The following ZNF569 variants were observed in gnomAD, a reference collection of about 807,000 sequenced individuals.
ZNF569 encodes the protein DNA-binding protein.
A neutral mutation model predicts 56.3 loss-of-function variants in ZNF569; 38 were observed. The observed-to-expected ratio is 0.68, with a 90% CI of 0.52 to 0.88. The LOEUF is 0.88. Among genes scored for constraint, ZNF569 ranks in the 40% least tolerant of loss-of-function variants. The probability of loss-of-function intolerance (pLI) is 0.00; values close to 1 mark genes in which losing one functional copy is unlikely to be tolerated. For synonymous variants in ZNF569, 241 were observed against 262.9 expected (o/e 0.92, Z 0.81); for missense variants, 666 against 809.2 (o/e 0.82, Z 2.15).
Position 37,454,731 on chromosome 19 carries a change from C to T in ZNF569, c.-43-9767G>A, listed in dbSNP as rs2041646612. 6.0e-6 allele frequency: 4 copies of T among 661,874 alleles called. No individual in the cohort carries two copies. In the Admixed American group the frequency reaches 8.7e-5, roughly 14 times the overall value. The allele number at this position is 661,874 out of a possible 1,614,324, so 41.0% of individuals were successfully genotyped here. Reference sequence around the variant, plus strand: ...AAAGCCTACAAGAGACTGCAACCCCCACCTCCCTAATTTTGCAAGTCCCCC... The same window carrying T: ...AAAGCCTACAAGAGACTGCAACCCCTACCTCCCTAATTTTGCAAGTCCCCC... On this transcript the variant is annotated intron_variant, in intron 2 of 5. Transcript: ENST00000316950.
Position 37,433,390 on chromosome 19 carries a change from T to C in ZNF569, c.16-7012A>G, listed in dbSNP as rs118191643. On this transcript the variant is annotated intron_variant, in intron 3 of 5. Transcript: ENST00000316950. ...TTCAAATGGGCAAATCTAACACTTATTGGCCTTAAAGAGGAGGTAGAGAGA... is the reference window on the plus strand; with the variant it reads ...TTCAAATGGGCAAATCTAACACTTACTGGCCTTAAAGAGGAGGTAGAGAGA... Among the ~76,000 whole-genome samples, 1,050 of 152,290 alleles carry C rather than the reference T, an allele frequency of 6.9e-3. 25 individuals carry two copies. Among genetic ancestry groups the C allele is most frequent in the East Asian group, 0.053 (273 of 5,172 alleles).
intron 5 of ZNF569, among the ~76,000 whole-genome samples, chr19:37,423,493 T>C (rs2041071539): frequency 6.6e-6 from 1 of 152,166 alleles, no homozygotes; most frequent in Non-Finnish European, 1.5e-5. Context: ...TATTGAGAAA[T>C]ATCTAAACAT....
chr19:37,454,924 A>C (rs1411389239), intron 2 of ZNF569: 2 of 699,714 alleles, frequency 2.9e-6, no homozygotes, highest in African/African-American at 3.5e-5. Context: ...CCCCAGATTT[A>C]AGATTACTTG....
At chr19:37,468,331 C>T (rs1362746717), upstream of ZNF569, among the ~76,000 whole-genome samples, 1 of 152,154 alleles carries the variant, frequency 6.6e-6, no homozygotes, top group Non-Finnish European at 1.5e-5. Context: ...TCAAGCGATC[C>T]TCCCGCCTGG....
chr19:37,422,307 G>C (rs1356774128), intron 5 of ZNF569, among the ~76,000 whole-genome samples: 5 of 152,138 alleles, frequency 3.3e-5, no homozygotes, highest in Non-Finnish European at 4.4e-5. Context: ...AAAAGGGAGA[G>C]AGACGGGAAT....
chr19:37,416,266 CAAAA>C (rs945755043), intron 5 of ZNF569, among the ~76,000 whole-genome samples: 26 of 111,704 alleles, frequency 2.3e-4, no homozygotes, highest in Middle Eastern at 4.4e-3. Flanking sequence ...AACAAAAAAA[CAAAA>C]AAAAAAAACA....
In ZNF569 at chr19:37,411,415, T is replaced by A. The variant is rs1568708322; in HGVS notation, c.*1182A>T. 6.6e-6 allele frequency: 1 copy of A among 152,192 alleles called. No individual in the cohort carries two copies. The highest frequency in any genetic ancestry group is 2.4e-5 in the African/African-American group (1 of 41,468). The allele number at this position is 152,192 out of a possible 1,614,324, so 9.4% of individuals were successfully genotyped here. ...GATTTTGTTTCTAAATTCTGTATTT[T>A]ATCACAGAAATGATCACACTTATTC... On this transcript the variant is annotated 3_prime_UTR_variant, in exon 6 of 6. Transcript: ENST00000316950.
At chr19:37,433,795 C>T (rs1407298745) in intron 3 of ZNF569, among the ~76,000 whole-genome samples, 11 of 152,086 alleles carry the variant, frequency 7.2e-5, no homozygotes, top group Admixed American at 7.2e-4. Flanking sequence ...AAGGCTTTCC[C>T]AGACAAACAA....
At chr19:37,451,186 G>A (rs2041585540) in intron 2 of ZNF569, among the ~76,000 whole-genome samples, 1 of 151,972 alleles carries the variant, frequency 6.6e-6, no homozygotes. Context: ...GATCACCTGA[G>A]GTCAGGAGTT....
chr19:37,453,243 C>T (rs1310311446), intron 2 of ZNF569, among the ~76,000 whole-genome samples: 2 of 152,124 alleles, frequency 1.3e-5, no homozygotes, highest in African/African-American at 2.4e-5. Flanking sequence ...GGCAGTATCT[C>T]CAGCAACAGG....
upstream of ZNF569, chr19:37,468,906 T>C (rs571188125): frequency 2.0e-3 from 684 of 342,336 alleles, 4 homozygotes; most frequent in Non-Finnish European, 2.2e-3. Flanking sequence ...TTTTCGGGTA[T>C]CCAGCACAAT....
In ZNF569 at chr19:37,413,083, ATTACAATCATAAGGTTTCT is replaced by A; in HGVS notation, c.1556_1574del (p.Glu519ValfsTer17). The A allele has an allele frequency of 1.9e-6, 3 of 1,613,902 alleles. No homozygotes were observed. Among genetic ancestry groups the A allele is most frequent in the Non-Finnish European group, 2.5e-6 (3 of 1,179,888 alleles). ...TTTGAGAGAAGGCTTTACCACATTC[ATTACAATCATAAGGTTTCT>A]CTCCAGTATGAACTTTTTGATGTGT... On this transcript the variant is annotated frameshift_variant, in exon 6 of 6. Transcript: ENST00000316950. LOFTEE classifies it high-confidence loss of function.
chr19:37,462,673 A>T (rs1406938305), intron 2 of ZNF569, among the ~76,000 whole-genome samples: 1 of 152,144 alleles, frequency 6.6e-6, no homozygotes, highest in Non-Finnish European at 1.5e-5. Context: ...CAACGTTTCA[A>T]GCTAGTCCCC....
rs528312910 is a variant in ZNF569 at position 37,433,536 on chromosome 19, C to G, written c.16-7158G>C. ...CCAAGTAGATTTAAACCAAATAAGA[C>G]TACTTCAAGACACTTAATAATCAAA... On this transcript the variant is annotated intron_variant, in intron 3 of 5. Transcript: ENST00000316950. Among the ~76,000 whole-genome samples the G allele has an allele frequency of 4.6e-5, 7 of 152,188 alleles. No individual in the cohort carries two copies. In the South Asian group the frequency reaches 1.5e-3, roughly 32 times the overall value.
At chr19:37,465,119 A>C (rs954815649) in intron 2 of ZNF569, among the ~76,000 whole-genome samples, 194 bp downstream of exon 2, 1 of 152,156 alleles carries the variant, frequency 6.6e-6, no homozygotes, top group Non-Finnish European at 1.5e-5. Flanking sequence ...CTCTGCCTGG[A>C]ATAACTTTTC....
In ZNF569 at chr19:37,444,943, G is replaced by A. The variant is rs1168983237; in HGVS notation, c.-22C>T. On this transcript the variant is annotated 5_prime_UTR_variant, in exon 3 of 6. Transcript: ENST00000316950. ...TCATTTCCTCTTCTTTCTGGGAAGG[G>A]ATGGGGCCTGCAGAAGTAGAGCTGG... 1.2e-6 allele frequency: 2 copies of A among 1,607,646 alleles called. No homozygotes were observed. Among genetic ancestry groups the A allele is most frequent in the South Asian group, 1.1e-5 (1 of 89,698 alleles).
chr19:37,441,323 A>T lies in ZNF569; in HGVS notation c.15+3584T>A, dbSNP rs183242878. On this transcript the variant is annotated intron_variant, in intron 3 of 5. Coordinates refer to ENST00000316950, the MANE Select transcript of ZNF569 (RefSeq NM_152484.3). Reference sequence around the variant, plus strand: ...TCTAAGTAGCTTTCAGTTCCCATGTAGCACAGACCCTGAGTAGGATGAAGT... The same window carrying T: ...TCTAAGTAGCTTTCAGTTCCCATGTTGCACAGACCCTGAGTAGGATGAAGT... Among the ~76,000 whole-genome samples the T allele has an allele frequency of 2.6e-5, 4 of 152,304 alleles. No homozygotes were observed. In the East Asian group the frequency reaches 7.7e-4, roughly 29 times the overall value.
intron 2 of ZNF569, among the ~76,000 whole-genome samples, chr19:37,457,345 CCT>C (rs757115846): frequency 2.6e-5 from 4 of 152,182 alleles, no homozygotes; most frequent in African/African-American, 4.8e-5. Context: ...GTAACACTCC[CCT>C]GTTTAAACTT....
chr19:37,416,279 CAG>C (rs1249977082), intron 5 of ZNF569, among the ~76,000 whole-genome samples: 1 of 146,796 alleles, frequency 6.8e-6, no homozygotes, highest in African/African-American at 2.5e-5. Context: ...AAAAAAAAAA[CAG>C]GAAAAGAAAA....
Sources: allele counts gnomAD v4.1 joint callset (sites outside exome capture counted in the v4.1 genomes callset), GRCh38; gene constraint gnomAD v4.1.1; transcripts MANE v1.5; gene names NCBI Gene and HGNC (gene_info 2026-07-23, HGNC 2026-07-21).